Variants in ARRDC3 observed in about 807,000 individuals in gnomAD.
The protein encoded by ARRDC3 is arrestin domain-containing protein 3.
A neutral mutation model predicts 47.2 loss-of-function variants in ARRDC3; 10 were observed. That is an observed-to-expected ratio of 0.21 (90% CI 0.13 to 0.36). The LOEUF (loss-of-function observed/expected upper bound fraction) is 0.36, where lower values mean the gene tolerates loss of function less well. ARRDC3 is among the 10% of genes least tolerant of loss of function. ARRDC3 has a pLI of 1.00. For missense variants in ARRDC3, 381 were observed against 503.6 expected, an observed-to-expected ratio of 0.76 and a Z score of 2.33; for synonymous variants, 156 against 178.3, an observed-to-expected ratio of 0.87 and a Z score of 1.00.
chr5:91,371,495 C>G, intron 7 of ARRDC3, 39 bp from the exon 8 acceptor site: 1 of 1,520,096 alleles, frequency 6.6e-7, no homozygotes, highest in Non-Finnish European at 9.1e-7. Context: ...AGAGTTATTT[C>G]ATGAGGTCTA....
At chr5:91,371,546 A>C in intron 7 of ARRDC3, 90 bp from the exon 8 acceptor site, 1 of 932,868 alleles carries the variant, frequency 1.1e-6, no homozygotes, top group Non-Finnish European at 1.7e-6. Context: ...AATACTAGTC[A>C]AGAAATGTAA....
At chr5:91,375,978 C>A (rs954215934) in intron 3 of ARRDC3, among the ~76,000 whole-genome samples, 1 of 152,042 alleles carries the variant, frequency 6.6e-6, no homozygotes, top group Non-Finnish European at 1.5e-5. Context: ...GCAAAGAAAG[C>A]AATCTGATTA....
At chr5:91,375,734 T>C (rs1799286310) in intron 3 of ARRDC3, 121 bp from the exon 4 acceptor site, 4 of 565,724 alleles carry the variant, frequency 7.1e-6, no homozygotes, top group Non-Finnish European at 1.1e-5. Context: ...GTTTTGCTTT[T>C]TTTTTGTATC....
intron 7 of ARRDC3, among the ~76,000 whole-genome samples, chr5:91,371,920 A>C (rs983462512): frequency 6.6e-6 from 1 of 152,174 alleles, no homozygotes; most frequent in African/African-American, 2.4e-5. Context: ...CGTATAAACA[A>C]TGCTCTTTGT....
At position 91,371,038 on chromosome 5, in the gene ARRDC3, A is replaced by T; in HGVS notation, c.*362T>A. The T allele has an allele frequency of 1.2e-5, 2 of 169,478 alleles. No homozygotes were observed. Among genetic ancestry groups the T allele is most frequent in the Non-Finnish European group, 2.4e-5 (2 of 82,120 alleles). 10.5% of individuals were successfully genotyped at this position (169,478 alleles called of 1,614,324 possible). On this transcript the variant is annotated 3_prime_UTR_variant, in exon 8 of 8. Coordinates refer to ENST00000265138, the MANE Select transcript of ARRDC3 (RefSeq NM_020801.4). ...AAAAAAAAAAAAAAAAAGAAGCTGT[A>T]GTGACGTCGAACCGCACAATGTAAG... is the stretch of plus-strand genomic sequence containing the variant.
In ARRDC3 at chr5:91,371,246, A is replaced by C; in HGVS notation, c.*154T>G. On this transcript the variant is annotated 3_prime_UTR_variant, in exon 8 of 8. Coordinates refer to ENST00000265138, the MANE Select transcript of ARRDC3 (RefSeq NM_020801.4). The stretch of plus-strand genomic sequence containing the variant: ...CTCAGAATGTTGCTGTAGGCTTCTA[A>C]AGCATGATCACTGGTTGTTTCATGT... The C allele has an allele frequency of 3.2e-6, 2 of 629,498 alleles. No individual in the cohort carries two copies. Among genetic ancestry groups the C allele is most frequent in the Non-Finnish European group, 5.6e-6 (2 of 359,912 alleles). 39.0% of individuals were successfully genotyped at this position (629,498 alleles called of 1,614,324 possible). A position where few individuals can be genotyped will look rare whatever the true frequency, so the allele number is the denominator to read the frequency against.
Position 91,370,230 on chromosome 5 carries a change from A to G in ARRDC3, c.*1170T>C, listed in dbSNP as rs1041706052. Reference sequence around the variant, plus strand: ...TGGAGGTAATTAAGTAACTCTGTATAAAAATAAATGCACTTTTCCCTCCTT... The same window carrying G: ...TGGAGGTAATTAAGTAACTCTGTATGAAAATAAATGCACTTTTCCCTCCTT... On this transcript the variant is annotated 3_prime_UTR_variant, in exon 8 of 8. Coordinates refer to ENST00000265138, the MANE Select transcript of ARRDC3 (RefSeq NM_020801.4). 6.6e-6 allele frequency: 1 copy of G among 152,624 alleles called. No individual in the cohort carries two copies. The highest frequency in any genetic ancestry group is 6.5e-5 in the Admixed American group (1 of 15,278). The allele number at this position is 152,624 out of a possible 1,614,324, so 9.5% of individuals were successfully genotyped here.
chr5:91,383,265 CAGAGGCTGCTG>C lies in ARRDC3; in HGVS notation c.-184_-174del. On this transcript the variant is annotated 5_prime_UTR_variant, in exon 1 of 8. Transcript: ENST00000265138. ...GAGATTTCTTAAAAAGTCAGGGCAGCAGAGGCTGCTGCTCCGCGCTCCCGCTCGTCTCAGTG... is the reference window on the plus strand; with the variant it reads ...GAGATTTCTTAAAAAGTCAGGGCAGCCTCCGCGCTCCCGCTCGTCTCAGTG... The C allele has an allele frequency of 1.6e-6, 1 of 641,724 alleles. No homozygotes were observed. Among genetic ancestry groups the C allele is most frequent in the Non-Finnish European group, 2.5e-6 (1 of 393,058 alleles). The allele number at this position is 641,724 out of a possible 1,614,324, so 39.8% of individuals were successfully genotyped here.
At chr5:91,375,657 G>A in intron 3 of ARRDC3, 44 bp from the exon 4 acceptor site, 3 of 1,257,754 alleles carry the variant, frequency 2.4e-6, no homozygotes, top group Middle Eastern at 3.9e-4. Context: ...GTATGGATTG[G>A]TACAATCAAT....
Position 91,371,253 on chromosome 5 carries a change from A to G in ARRDC3, c.*147T>C. 3.1e-6 allele frequency: 2 copies of G among 642,190 alleles called. No homozygotes were observed. The highest frequency in any genetic ancestry group is 3.9e-5 in the South Asian group (2 of 50,882). 39.8% of individuals were successfully genotyped at this position (642,190 alleles called of 1,614,324 possible). ...TGTTGCTGTAGGCTTCTAAAGCATG[A>G]TCACTGGTTGTTTCATGTATTCGCC... On this transcript the variant is annotated 3_prime_UTR_variant, in exon 8 of 8. Transcript: ENST00000265138.
Position 91,374,954 on chromosome 5 carries a change from A to T in ARRDC3, c.838T>A (p.Cys280Ser). The change falls in exon 5 of 8, where the codon TGT (cysteine) becomes AGT (serine). Residue 280 changes from cysteine (C) to serine (S), a missense_variant. Cys to Ser is a moderately radical substitution (Grantham distance 112). Transcript: ENST00000265138. ...IPPVSPSILDCSIIRVEYSLM... is the reference protein window; with the variant it reads ...IPPVSPSILDSSIIRVEYSLM... ...GAATATTCCACGCGGATTATACTAC[A>T]GTCGAGGATAGAGGGAGAAACTGGT... is the stretch of plus-strand genomic sequence containing the variant. 1 of 1,614,222 alleles carries T rather than the reference A, an allele frequency of 6.2e-7. No individual in the cohort carries two copies. Among genetic ancestry groups the T allele is most frequent in the Non-Finnish European group, 8.5e-7 (1 of 1,180,020 alleles).
rs1249497941 is a variant in ARRDC3 at position 91,368,736 on chromosome 5, G to A, written c.*2664C>T. 2.0e-5 allele frequency: 3 copies of A among 152,094 alleles called. No individual in the cohort carries two copies. The highest frequency in any genetic ancestry group is 7.3e-5 in the African/African-American group (3 of 41,304). The allele number at this position is 152,094 out of a possible 1,614,324, so 9.4% of individuals were successfully genotyped here. A position where few individuals can be genotyped will look rare whatever the true frequency, so the allele number is the denominator to read the frequency against. On this transcript the variant is annotated 3_prime_UTR_variant, in exon 8 of 8. Coordinates refer to ENST00000265138, the MANE Select transcript of ARRDC3 (RefSeq NM_020801.4). ...AATCTCCAAACAATTATACAAAACAGAAAAAAACAAAACACTTTATTTTCC... is the reference window on the plus strand; with the variant it reads ...AATCTCCAAACAATTATACAAAACAAAAAAAAACAAAACACTTTATTTTCC...
rs1799148914 is a variant in ARRDC3 at position 91,370,668 on chromosome 5, A to G, written c.*732T>C. On this transcript the variant is annotated 3_prime_UTR_variant, in exon 8 of 8. Coordinates refer to ENST00000265138, the MANE Select transcript of ARRDC3 (RefSeq NM_020801.4). ...AACCAAGAAGGTATACAATCTTGACAGTCTCTTATTAGCTTCCTCCTCTTA... is the reference window on the plus strand; with the variant it reads ...AACCAAGAAGGTATACAATCTTGACGGTCTCTTATTAGCTTCCTCCTCTTA... The G allele has an allele frequency of 6.6e-6, 1 of 152,604 alleles. No homozygotes were observed. Among genetic ancestry groups the G allele is most frequent in the South Asian group, 2.1e-4 (1 of 4,826 alleles). The allele number at this position is 152,604 out of a possible 1,614,324, so 9.5% of individuals were successfully genotyped here. A position where few individuals can be genotyped will look rare whatever the true frequency, so the allele number is the denominator to read the frequency against.
In ARRDC3 at chr5:91,369,789, C is replaced by T. The variant is rs1323460747; in HGVS notation, c.*1611G>A. The stretch of plus-strand genomic sequence containing the variant: ...CAACAACAACAACAAAATAAGTACA[C>T]TTGGTACCTTGGAAAATGCTGAAAT... On this transcript the variant is annotated 3_prime_UTR_variant, in exon 8 of 8. Transcript: ENST00000265138. 2 of 152,210 alleles carry T rather than the reference C, an allele frequency of 1.3e-5. No individual in the cohort carries two copies. The highest frequency in any genetic ancestry group is 3.4e-3 in the Middle Eastern group (1 of 294). The allele number at this position is 152,210 out of a possible 1,614,324, so 9.4% of individuals were successfully genotyped here. A position where few individuals can be genotyped will look rare whatever the true frequency, so the allele number is the denominator to read the frequency against.
rs779244011 is a variant in ARRDC3 at position 91,383,051 on chromosome 5, G to T, written c.42C>A (p.Asp14Glu). Residue 14 changes from aspartate to glutamate, a missense_variant, in exon 1 of 8, where the codon GAC (aspartate) becomes GAA (glutamate). By Grantham distance (45) the Asp-to-Glu change is conservative (BLOSUM62 2). Coordinates refer to ENST00000265138, the MANE Select transcript of ARRDC3 (RefSeq NM_020801.4). ...GKVKSLTISFDCLNDSNVPVY... is the reference protein window; with the variant it reads ...GKVKSLTISFECLNDSNVPVY... ...CAGGGACATTGCTGTCATTAAGACA[G>T]TCAAAGCTTATTGTCAAACTCTTCA... is the stretch of plus-strand genomic sequence containing the variant. 5 of 1,613,204 alleles carry T rather than the reference G, an allele frequency of 3.1e-6. 1 individual carries two copies. In the South Asian group the frequency reaches 5.5e-5, roughly 18 times the overall value.
At chr5:91,375,750 ATACT>A in intron 3 of ARRDC3, 137 bp from the exon 4 acceptor site, 2 of 477,326 alleles carry the variant, frequency 4.2e-6, no homozygotes, top group Non-Finnish European at 7.2e-6. Context: ...GTATCCAGAC[ATACT>A]TCTTATTTTT....
intron 2 of ARRDC3, among the ~76,000 whole-genome samples, chr5:91,377,890 G>T (rs930444861): frequency 6.6e-6 from 1 of 151,928 alleles, no homozygotes; most frequent in Non-Finnish European, 1.5e-5. Context: ...TCAAGCACTA[G>T]AATTAACAAA....
rs772325924 is a variant in ARRDC3, at chr5:91,374,299, A to G, written c.871-23T>C. ...TACCTAAACATTGCAAAGAAATATTAAGTTTAGAATGCCAAGTATGATTTC... is the reference window on the plus strand; with the variant it reads ...TACCTAAACATTGCAAAGAAATATTGAGTTTAGAATGCCAAGTATGATTTC... On this transcript the variant is annotated intron_variant, in intron 5 of 7. Coordinates refer to ENST00000265138, the MANE Select transcript of ARRDC3 (RefSeq NM_020801.4). The G allele has an allele frequency of 2.5e-6, 4 of 1,590,908 alleles. No homozygotes were observed. In the East Asian group the frequency reaches 6.7e-5, roughly 27 times the overall value.
chr5:91,373,195 C>T (rs1448646138), intron 7 of ARRDC3, among the ~76,000 whole-genome samples: 1 of 152,080 alleles, frequency 6.6e-6, no homozygotes, highest in Non-Finnish European at 1.5e-5. Flanking sequence ...TGCTTAGCTG[C>T]CATCAATATG....
Sources: allele counts gnomAD v4.1 joint callset (sites outside exome capture counted in the v4.1 genomes callset), GRCh38; gene constraint gnomAD v4.1.1; transcripts MANE v1.5; gene names NCBI Gene and HGNC (gene_info 2026-07-23, HGNC 2026-07-21).